The following CPQ variants were observed in gnomAD, a reference collection of about 807,000 sequenced individuals.
The protein encoded by CPQ is Ser-Met dipeptidase.
A neutral mutation model predicts 45.7 loss-of-function variants in CPQ; 37 were observed. That is an observed-to-expected ratio of 0.81 (90% CI 0.62 to 1.07). CPQ has a LOEUF of 1.07. Among genes scored for constraint, CPQ ranks in the 50% least tolerant of loss-of-function variants. The probability of loss-of-function intolerance (pLI) is 0.00; values close to 1 mark genes in which losing one functional copy is unlikely to be tolerated. For synonymous variants in CPQ, 186 were observed against 205.8 expected (o/e 0.90, Z 0.82); for missense variants, 537 against 572.9 (o/e 0.94, Z 0.64).
chr8:96,738,777 A>G (rs1177753389), intron 1 of CPQ, among the ~76,000 whole-genome samples: 3 of 152,216 alleles, frequency 2.0e-5, no homozygotes, highest in Non-Finnish European at 2.9e-5. Context: ...GTGTCCCTAC[A>G]AAGGACATGA....
chr8:96,940,153 G>A (rs114824221), intron 4 of CPQ, among the ~76,000 whole-genome samples: 1 of 151,738 alleles, frequency 6.6e-6, no homozygotes, highest in African/African-American at 2.4e-5. Context: ...CTAAGTTTAT[G>A]TCATCTACTA....
intron 1 of CPQ, among the ~76,000 whole-genome samples, chr8:96,667,393 G>C (rs1808940255): frequency 6.7e-6 from 1 of 149,392 alleles, no homozygotes; most frequent in Non-Finnish European, 1.5e-5. Flanking sequence ...CTGTCACCTG[G>C]GCTGAAGTGC....
At chr8:96,688,041 G>A (rs1402214064) in intron 1 of CPQ, among the ~76,000 whole-genome samples, 1 of 151,948 alleles carries the variant, frequency 6.6e-6, no homozygotes, top group African/African-American at 2.4e-5. Flanking sequence ...AGAAAAGAAA[G>A]TTTCCTATTG....
At chr8:96,658,848 TAG>T (rs1196351165) in intron 1 of CPQ, among the ~76,000 whole-genome samples, 2 of 152,142 alleles carry the variant, frequency 1.3e-5, no homozygotes, top group African/African-American at 4.8e-5. Flanking sequence ...AGCAAGGAAA[TAG>T]ATTCTCTCCT....
intron 1 of CPQ, among the ~76,000 whole-genome samples, chr8:96,753,404 A>ATTG (rs1388655146): frequency 6.6e-6 from 1 of 152,142 alleles, no homozygotes; most frequent in East Asian, 1.9e-4. Flanking sequence ...GCCAAATGCA[A>ATTG]TGCTTGACAT....
chr8:96,711,798 G>T (rs1437522201), intron 1 of CPQ, among the ~76,000 whole-genome samples: 3 of 151,994 alleles, frequency 2.0e-5, no homozygotes, highest in African/African-American at 7.2e-5. Flanking sequence ...ATATCATTCT[G>T]CCTCTAGCCC....
At chr8:97,092,489 A>C (rs868528384) in intron 7 of CPQ, 56 of 152,204 alleles carry the variant, frequency 3.7e-4, no homozygotes, top group African/African-American at 1.3e-3. Context: ...GGCCAATGGA[A>C]CAGGTTAGAG....
At position 96,760,184 on chromosome 8, in the gene CPQ, T is replaced by C. The variant is rs569001150; in HGVS notation, c.-34-24680T>C. ...GATTACGAGCTCTCCTTGTGACTCC[T>C]ATGGCTCTGGGGCATATTGCCAGAG... is the stretch of plus-strand genomic sequence containing the variant. On this transcript the variant is annotated intron_variant, in intron 1 of 7. Coordinates refer to ENST00000220763, the MANE Select transcript of CPQ (RefSeq NM_016134.4). Among the ~76,000 whole-genome samples the C allele has an allele frequency of 2.6e-5, 4 of 152,304 alleles. No individual in the cohort carries two copies. In the South Asian group the frequency reaches 8.3e-4, roughly 32 times the overall value.
intron 1 of CPQ, among the ~76,000 whole-genome samples, chr8:96,743,261 A>T (rs914287200): frequency 6.6e-6 from 1 of 151,712 alleles, no homozygotes; most frequent in Non-Finnish European, 1.5e-5. Flanking sequence ...CTTCCAGTTG[A>T]TCGCATCGGC....
intron 1 of CPQ, among the ~76,000 whole-genome samples, chr8:96,751,607 A>C (rs1408935143): frequency 6.6e-6 from 1 of 152,132 alleles, no homozygotes; most frequent in African/African-American, 2.4e-5. Context: ...CTCTGATGAT[A>C]GTTTCTTTTG....
At chr8:97,067,738 A>G (rs980368640) in intron 7 of CPQ, among the ~76,000 whole-genome samples, 2 of 152,208 alleles carry the variant, frequency 1.3e-5, no homozygotes, top group Non-Finnish European at 2.9e-5. Flanking sequence ...TGTTCTGTGT[A>G]TGTTAACATA....
At chr8:96,665,390 C>T (rs1753150231) in intron 1 of CPQ, among the ~76,000 whole-genome samples, 1 of 152,084 alleles carries the variant, frequency 6.6e-6, no homozygotes, top group Admixed American at 6.5e-5. Flanking sequence ...GAAAGAATGT[C>T]AAGAGAACAG....
rs545299761 is a variant in CPQ at position 96,647,294 on chromosome 8, G to C, written c.-35+1892G>C. ...GAGAAGTGGAATACACATGTTGCTT[G>C]GTGAAAAGGGCCAACTTTCTCACAC... On this transcript the variant is annotated intron_variant, in intron 1 of 7. Transcript: ENST00000220763. Among the ~76,000 whole-genome samples, 29 of 152,292 alleles carry C rather than the reference G, an allele frequency of 1.9e-4. 1 individual carries two copies. In the South Asian group the frequency reaches 6.0e-3, roughly 32 times the overall value.
intron 3 of CPQ, among the ~76,000 whole-genome samples, chr8:96,850,337 T>C (rs549067572): frequency 6.6e-6 from 1 of 152,272 alleles, no homozygotes; most frequent in East Asian, 1.9e-4. Context: ...GGCTTGGTTT[T>C]TAATCTCCAG....
At chr8:97,043,113 G>T (rs1348721173) in intron 6 of CPQ, among the ~76,000 whole-genome samples, 1 of 152,078 alleles carries the variant, frequency 6.6e-6, no homozygotes, top group Non-Finnish European at 1.5e-5. Context: ...ATTAATGTGT[G>T]GGAGTCTAAG....
intron 1 of CPQ, among the ~76,000 whole-genome samples, chr8:96,731,646 A>C (rs1351212075): frequency 6.6e-6 from 1 of 152,136 alleles, no homozygotes; most frequent in East Asian, 1.9e-4. Context: ...ATCAATGGGG[A>C]GGGAACCAGG....
intron 5 of CPQ, among the ~76,000 whole-genome samples, chr8:96,972,157 A>T (rs1264259906): frequency 6.6e-6 from 1 of 152,164 alleles, no homozygotes; most frequent in Non-Finnish European, 1.5e-5. Context: ...CAGTGCTGTT[A>T]TGGGGGCACT....
In CPQ at chr8:96,764,877, C is replaced by T. The variant is rs141721597; in HGVS notation, c.-34-19987C>T. Among the ~76,000 whole-genome samples, 507 of 152,314 alleles carry T rather than the reference C, an allele frequency of 3.3e-3. 7 individuals carry two copies. Among genetic ancestry groups the T allele is most frequent in the African/African-American group, 0.012 (482 of 41,568 alleles). ...GTTGACCTTTAAAATATGTAGAGTT[C>T]AGTACCTTTGAATTAAATTGCATGT... On this transcript the variant is annotated intron_variant, in intron 1 of 7. Coordinates refer to ENST00000220763, the MANE Select transcript of CPQ (RefSeq NM_016134.4).
chr8:96,695,254 T>G (rs1809360685), intron 1 of CPQ, among the ~76,000 whole-genome samples: 1 of 148,760 alleles, frequency 6.7e-6, no homozygotes, highest in Non-Finnish European at 1.5e-5. Context: ...AAGCTGAAAC[T>G]GGATCCCTTC....
Sources: allele counts gnomAD v4.1 joint callset (sites outside exome capture counted in the v4.1 genomes callset), GRCh38; gene constraint gnomAD v4.1.1; transcripts MANE v1.5; gene names NCBI Gene and HGNC (gene_info 2026-07-23, HGNC 2026-07-21).